Variants in CLCN3 observed in about 807,000 individuals in gnomAD.
CLCN3 encodes the protein H(+)/Cl(-) exchange transporter 3.
A neutral mutation model predicts 83.4 loss-of-function variants in CLCN3; 16 were observed. The observed-to-expected ratio is 0.19, with a 90% CI of 0.13 to 0.29. The LOEUF (loss-of-function observed/expected upper bound fraction) is 0.29, where lower values mean the gene tolerates loss of function less well. Ranked by LOEUF, CLCN3 falls within the 10% of genes least tolerant of loss-of-function variation. The probability of loss-of-function intolerance (pLI) is 1.00; values close to 1 mark genes in which losing one functional copy is unlikely to be tolerated. For synonymous variants in CLCN3, 322 were observed against 346.2 expected, an observed-to-expected ratio of 0.93 and a Z score of 0.78; for missense variants, 544 against 1,006.0, an observed-to-expected ratio of 0.54 and a Z score of 6.21.
chr4:169,675,132 G>A (rs186420289), intron 2 of CLCN3, among the ~76,000 whole-genome samples: 7 of 152,344 alleles, frequency 4.6e-5, no homozygotes, highest in African/African-American at 1.2e-4. Flanking sequence ...GTACTATTAC[G>A]TTGTTTAAAA....
At chr4:169,719,542 G>T (rs1336240598) in intron 12 of CLCN3, among the ~76,000 whole-genome samples, 1 of 152,208 alleles carries the variant, frequency 6.6e-6, no homozygotes, top group Non-Finnish European at 1.5e-5. Context: ...CTCTTCATGT[G>T]ATGGAAATCA....
At chr4:169,666,314 T>G (rs1389211808) in intron 2 of CLCN3, among the ~76,000 whole-genome samples, 1 of 152,176 alleles carries the variant, frequency 6.6e-6, no homozygotes, top group Non-Finnish European at 1.5e-5. Flanking sequence ...GAAAAACATT[T>G]CAAAAGCTAA....
intron 2 of CLCN3, chr4:169,662,825 T>C (rs1731102612): frequency 6.6e-6 from 1 of 152,200 alleles, no homozygotes; most frequent in African/African-American, 2.4e-5. Flanking sequence ...GAAATTAAGA[T>C]GACATTTCAG....
chr4:169,715,872 A>G (rs1306918726), intron 12 of CLCN3, among the ~76,000 whole-genome samples: 6 of 152,164 alleles, frequency 3.9e-5, no homozygotes, highest in South Asian at 2.1e-4. Flanking sequence ...ATTAAATACA[A>G]TTGAGGTTTC....
intron 2 of CLCN3, among the ~76,000 whole-genome samples, chr4:169,672,895 C>T (rs34436258): frequency 0.17 from 25,883 of 151,488 alleles, 2,828 homozygotes; most frequent in South Asian, 0.31. Context: ...GAACTCCTGA[C>T]CTTGTGATCC....
chr4:169,632,716 CAAAA>C (rs559919032), intron 1 of CLCN3, among the ~76,000 whole-genome samples: 2 of 32,280 alleles, frequency 6.2e-5, no homozygotes, highest in African/African-American at 1.2e-4. Context: ...GACTCCATCT[CAAAA>C]AAAAAAAAAA....
chr4:169,698,037 T>C (rs190454300), intron 9 of CLCN3, among the ~76,000 whole-genome samples: 110 of 152,340 alleles, frequency 7.2e-4, no homozygotes, highest in East Asian at 7.1e-3. Flanking sequence ...TTTCATATAG[T>C]TGTTATTAGA....
At chr4:169,717,977 C>T (rs1733489122) in intron 12 of CLCN3, 2 of 597,604 alleles carry the variant, frequency 3.3e-6, no homozygotes, top group Non-Finnish European at 6.1e-6. Context: ...ACAAAAATAT[C>T]CTACTATGCT....
At chr4:169,656,267 C>T (rs1730880301) in intron 2 of CLCN3, among the ~76,000 whole-genome samples, 1 of 152,132 alleles carries the variant, frequency 6.6e-6, no homozygotes, top group South Asian at 2.1e-4. Context: ...GCACGCTGTA[C>T]GCGAAGCATA....
In CLCN3 at chr4:169,621,012, A is replaced by G; in HGVS notation, c.-68A>G. On this transcript the variant is annotated 5_prime_UTR_variant, in exon 1 of 13. Coordinates refer to ENST00000513761, the MANE Select transcript of CLCN3 (RefSeq NM_001829.4). ...TAGGTTTGAAACAGATGCAGAATCC[A>G]AAGGCAGCGCAAAAAACAGCCACCG... 2 of 397,980 alleles carry G rather than the reference A, an allele frequency of 5.0e-6. No homozygotes were observed. Among genetic ancestry groups the G allele is most frequent in the Non-Finnish European group, 8.8e-6 (2 of 226,006 alleles). 24.7% of individuals were successfully genotyped at this position (397,980 alleles called of 1,614,324 possible).
At chr4:169,664,995 A>G (rs1199649685) in intron 2 of CLCN3, among the ~76,000 whole-genome samples, 1 of 152,186 alleles carries the variant, frequency 6.6e-6, no homozygotes, top group Non-Finnish European at 1.5e-5. Flanking sequence ...GTTTCTTTGT[A>G]GCCCTTTGCA....
At chr4:169,682,134 T>C (rs1433556452) in intron 3 of CLCN3, among the ~76,000 whole-genome samples, 1 of 152,228 alleles carries the variant, frequency 6.6e-6, no homozygotes, top group African/African-American at 2.4e-5. Flanking sequence ...ATTTTGAATA[T>C]ATGATTTTGT....
chr4:169,684,366 A>C (rs1344847619), intron 3 of CLCN3, among the ~76,000 whole-genome samples: 2 of 152,186 alleles, frequency 1.3e-5, no homozygotes, highest in African/African-American at 4.8e-5. Flanking sequence ...AAAGTTGACC[A>C]ATGAGATTTT....
intron 10 of CLCN3, among the ~76,000 whole-genome samples, chr4:169,706,544 G>T (rs1733001548): frequency 6.6e-6 from 1 of 152,170 alleles, no homozygotes; most frequent in Non-Finnish European, 1.5e-5. Context: ...GTGAAATTAT[G>T]TCTTTGCTAC....
At chr4:169,637,287 A>ATAT (rs1730242546) in intron 2 of CLCN3, among the ~76,000 whole-genome samples, 1 of 151,506 alleles carries the variant, frequency 6.6e-6, no homozygotes, top group African/African-American at 2.4e-5. Flanking sequence ...ATTCTGTGGT[A>ATAT]TTTTTTTTAC....
chr4:169,675,977 A>G (rs1731660619), intron 2 of CLCN3, among the ~76,000 whole-genome samples: 1 of 152,194 alleles, frequency 6.6e-6, no homozygotes, highest in Non-Finnish European at 1.5e-5. Context: ...ACATATATGT[A>G]TACCTGTAAG....
At chr4:169,703,294 A>G (rs1732866946) in intron 9 of CLCN3, among the ~76,000 whole-genome samples, 1 of 152,250 alleles carries the variant, frequency 6.6e-6, no homozygotes, top group Non-Finnish European at 1.5e-5. Flanking sequence ...TGTGTGAAGC[A>G]CAGTAACACA....
intron 2 of CLCN3, among the ~76,000 whole-genome samples, chr4:169,657,812 C>G (rs1463944326): frequency 6.6e-6 from 1 of 152,108 alleles, no homozygotes; most frequent in African/African-American, 2.4e-5. Flanking sequence ...CCTAGGAATT[C>G]TTGAATTTGT....
chr4:169,691,277 A>G (rs1257989537), intron 6 of CLCN3, among the ~76,000 whole-genome samples: 1 of 151,954 alleles, frequency 6.6e-6, no homozygotes, highest in Non-Finnish European at 1.5e-5. Context: ...TCAGCCTCCC[A>G]AAGTGCTGGG....
Sources: allele counts gnomAD v4.1 joint callset (sites outside exome capture counted in the v4.1 genomes callset), GRCh38; gene constraint gnomAD v4.1.1; transcripts MANE v1.5; gene names NCBI Gene and HGNC (gene_info 2026-07-23, HGNC 2026-07-21).